The following CNTNAP2 variants were observed in gnomAD, a reference collection of about 807,000 sequenced individuals.
CNTNAP2 encodes contactin-associated protein-like 2.
Under a neutral mutation model 155.2 loss-of-function variants are expected in CNTNAP2, and 98 were observed. The ratio of observed to expected loss-of-function variants is 0.63; its 90% CI spans 0.54 to 0.75. The LOEUF (loss-of-function observed/expected upper bound fraction) is 0.75, where lower values mean the gene tolerates loss of function less well. Ranked by LOEUF, CNTNAP2 falls within the 30% of genes least tolerant of loss-of-function variation. The pLI is 0.00. For synonymous variants in CNTNAP2, 651 were observed against 631.2 expected, an observed-to-expected ratio of 1.03 and a Z score of -0.47; for missense variants, 1,727 against 1,688.1, an observed-to-expected ratio of 1.02 and a Z score of -0.40.
intron 1 of CNTNAP2, among the ~76,000 whole-genome samples, chr7:146,723,056 C>A (rs6946015): frequency 0.034 from 5,202 of 152,168 alleles, 132 homozygotes; most frequent in East Asian, 0.12. Context: ...AAGTCCTAAA[C>A]CCTACTCCCT....
intron 13 of CNTNAP2, among the ~76,000 whole-genome samples, chr7:147,689,512 C>T (rs528305549): frequency 6.6e-6 from 1 of 152,266 alleles, no homozygotes; most frequent in African/African-American, 2.4e-5. Flanking sequence ...TTTTCTATCA[C>T]GTTATTCTCT....
chr7:147,579,592 A>G (rs1031288228), intron 12 of CNTNAP2, among the ~76,000 whole-genome samples: 1 of 152,166 alleles, frequency 6.6e-6, no homozygotes, highest in Non-Finnish European at 1.5e-5. Flanking sequence ...GCAATTCTCA[A>G]ACTTTAGTGA....
At chr7:147,986,932 A>C (rs1243894159) in intron 15 of CNTNAP2, among the ~76,000 whole-genome samples, 1 of 151,186 alleles carries the variant, frequency 6.6e-6, no homozygotes, top group Non-Finnish European at 1.5e-5. Context: ...TAGGGTTGAT[A>C]ATAGAAGGCA....
At position 148,265,834 on chromosome 7, in the gene CNTNAP2, G is replaced by C. The variant is rs1025751349; in HGVS notation, c.3382-1199G>C. On this transcript the variant is annotated intron_variant, in intron 20 of 23. Coordinates refer to ENST00000361727, the MANE Select transcript of CNTNAP2 (RefSeq NM_014141.6). ...TAGGAAGCAGTTTCAAGATTCTGCT[G>C]CAGACAGTCATTAATAATGAATGAC... is the stretch of plus-strand genomic sequence containing the variant. 2.6e-5 allele frequency among the ~76,000 whole-genome samples: 4 copies of C among 152,296 alleles called. No homozygotes were observed. In the South Asian group the frequency reaches 8.3e-4, roughly 32 times the overall value.
intron 8 of CNTNAP2, among the ~76,000 whole-genome samples, chr7:147,205,027 A>C (rs915681088): frequency 2.0e-5 from 3 of 152,068 alleles, no homozygotes; most frequent in African/African-American, 7.2e-5. Context: ...TTTAGTTACT[A>C]TAGCTTTGTA....
intron 4 of CNTNAP2, among the ~76,000 whole-genome samples, chr7:147,052,495 G>A (rs1019862591): frequency 6.6e-6 from 1 of 151,984 alleles, no homozygotes; most frequent in Non-Finnish European, 1.5e-5. Flanking sequence ...GTATCATATT[G>A]AACAGTGCTC....
At chr7:147,088,760 TAGAG>T (rs1280914280) in intron 4 of CNTNAP2, among the ~76,000 whole-genome samples, 1 of 151,946 alleles carries the variant, frequency 6.6e-6, no homozygotes, top group Non-Finnish European at 1.5e-5. Flanking sequence ...GCCTGCAACA[TAGAG>T]AGACCCCATC....
intron 16 of CNTNAP2, among the ~76,000 whole-genome samples, chr7:148,141,954 ATAT>A (rs1187002957): frequency 6.6e-6 from 1 of 152,182 alleles, no homozygotes; most frequent in Non-Finnish European, 1.5e-5. Context: ...GTGGAAATAG[ATAT>A]GGGGAGTACA....
At chr7:146,439,855 G>A (rs978846826) in intron 1 of CNTNAP2, among the ~76,000 whole-genome samples, 1 of 151,550 alleles carries the variant, frequency 6.6e-6, no homozygotes, top group Non-Finnish European at 1.5e-5. Context: ...TAGGCGTGGT[G>A]GCTCACACCT....
At chr7:147,761,253 A>AT (rs1198631109) in intron 13 of CNTNAP2, among the ~76,000 whole-genome samples, 4 of 152,142 alleles carry the variant, frequency 2.6e-5, no homozygotes, top group Non-Finnish European at 4.4e-5. Context: ...ACTGACGTGA[A>AT]TTTTTTCCTT....
chr7:147,023,237 C>T (rs1169658409), intron 3 of CNTNAP2, among the ~76,000 whole-genome samples: 2 of 152,102 alleles, frequency 1.3e-5, no homozygotes, highest in East Asian at 3.9e-4. Context: ...GCTTGTTTCT[C>T]TCCCTACATG....
chr7:147,586,097 G>T (rs1383814252), intron 12 of CNTNAP2, among the ~76,000 whole-genome samples: 1 of 152,112 alleles, frequency 6.6e-6, no homozygotes, highest in African/African-American at 2.4e-5. Context: ...TAAATTAAAA[G>T]ATTTTCTGAT....
chr7:146,585,303 G>T (rs1406647492), intron 1 of CNTNAP2, among the ~76,000 whole-genome samples: 1 of 151,830 alleles, frequency 6.6e-6, no homozygotes, highest in Non-Finnish European at 1.5e-5. Context: ...TGTATTTTTA[G>T]TAGAGACCAG....
At chr7:147,555,509 A>T (rs909021291) in intron 11 of CNTNAP2, among the ~76,000 whole-genome samples, 1 of 152,210 alleles carries the variant, frequency 6.6e-6, no homozygotes, top group African/African-American at 2.4e-5. Flanking sequence ...GGATACGCAA[A>T]ATGTTATATT....
intron 11 of CNTNAP2, among the ~76,000 whole-genome samples, chr7:147,554,088 G>A (rs543370162): frequency 5.4e-4 from 82 of 152,270 alleles, no homozygotes; most frequent in African/African-American, 1.5e-3. Context: ...AAGCTTCTTC[G>A]TCCAGACCCA....
intron 1 of CNTNAP2, among the ~76,000 whole-genome samples, chr7:146,374,258 A>G (rs1795275840): frequency 1.3e-5 from 2 of 152,242 alleles, no homozygotes; most frequent in South Asian, 4.1e-4. Flanking sequence ...CACAAATGAT[A>G]AAGAGCTTCC....
intron 1 of CNTNAP2, among the ~76,000 whole-genome samples, chr7:146,757,703 A>G (rs930053916): frequency 6.6e-6 from 1 of 152,182 alleles, no homozygotes; most frequent in Non-Finnish European, 1.5e-5. Context: ...CAGTAAAAAT[A>G]TAGGTGTTGG....
At chr7:147,995,748 C>T (rs1028398409) in intron 15 of CNTNAP2, among the ~76,000 whole-genome samples, 2 of 152,178 alleles carry the variant, frequency 1.3e-5, no homozygotes, top group Non-Finnish European at 1.5e-5. Context: ...CTCCTGACCT[C>T]GTGATCTGCC....
At chr7:146,974,055 C>T (rs185554907) in intron 3 of CNTNAP2, among the ~76,000 whole-genome samples, 135 of 152,184 alleles carry the variant, frequency 8.9e-4, no homozygotes, top group African/African-American at 3.1e-3. Flanking sequence ...TCACTTTTAC[C>T]GGATGCTGGG....
Sources: allele counts gnomAD v4.1 joint callset (sites outside exome capture counted in the v4.1 genomes callset), GRCh38; gene constraint gnomAD v4.1.1; transcripts MANE v1.5; gene names NCBI Gene and HGNC (gene_info 2026-07-23, HGNC 2026-07-21).